LGSN: variants seen among roughly 807,000 people sequenced by gnomAD.
LGSN encodes the protein lengsin, lens protein with glutamine synthetase domain, also known as lengsin.
A neutral mutation model predicts 19.5 loss-of-function variants in LGSN; 21 were observed. The ratio of observed to expected loss-of-function variants is 1.07; its 90% CI spans 0.76 to 1.55. LGSN has a LOEUF of 1.55. LGSN is among the 40% of genes most tolerant of loss of function. The probability of loss-of-function intolerance (pLI) is 0.00; values close to 1 mark genes in which losing one functional copy is unlikely to be tolerated. For synonymous variants in LGSN, 257 were observed against 215.6 expected (o/e 1.19, Z -1.68); for missense variants, 673 against 608.5 (o/e 1.11, Z -1.12).
At chr6:63,363,477 A>G in the LGSN span, among the ~76,000 whole-genome samples, 20 of 152,338 alleles carry the variant, frequency 1.3e-4, no homozygotes, top group African/African-American at 4.3e-4. Flanking sequence ...ATGGCCAACT[A>G]GAATAAACGG....
the LGSN span, among the ~76,000 whole-genome samples, chr6:63,504,869 A>G: frequency 6.6e-6 from 1 of 152,338 alleles, no homozygotes; most frequent in Admixed American, 6.5e-5. Flanking sequence ...CAGAGTAGTG[A>G]AAAGCTCTTA....
chr6:63,467,465 A>G, the LGSN span, among the ~76,000 whole-genome samples: 2 of 152,038 alleles, frequency 1.3e-5, no homozygotes, highest in Non-Finnish European at 2.9e-5. Flanking sequence ...AAACAGATGT[A>G]TTTTCTCACA....
the LGSN span, chr6:63,441,498 G>C: frequency 7.1e-6 from 3 of 424,174 alleles, no homozygotes; most frequent in South Asian, 6.1e-5. Flanking sequence ...ATGCAAACAA[G>C]GCATCACAAC....
At chr6:63,306,056 G>C (rs1196988878) in intron 1 of LGSN, among the ~76,000 whole-genome samples, 4 of 151,048 alleles carry the variant, frequency 2.6e-5, no homozygotes, top group African/African-American at 9.7e-5. Context: ...AACAGAGTGA[G>C]ACTCTGTCTC....
At chr6:63,405,633 G>A in the LGSN span, among the ~76,000 whole-genome samples, 58 of 152,034 alleles carry the variant, frequency 3.8e-4, no homozygotes, top group South Asian at 8.5e-3. Flanking sequence ...CATGTCCTTC[G>A]CCAGCTAACA....
At chr6:63,522,263 C>T in the LGSN span, among the ~76,000 whole-genome samples, 1 of 152,074 alleles carries the variant, frequency 6.6e-6, no homozygotes, top group African/African-American at 2.4e-5. Flanking sequence ...GTTTCTGTTA[C>T]TTATTTGAAT....
chr6:63,547,186 A>C, the LGSN span, among the ~76,000 whole-genome samples: 1 of 147,726 alleles, frequency 6.8e-6, no homozygotes, highest in Admixed American at 6.9e-5. Flanking sequence ...AGTAGGGGGG[A>C]ATTTTTTTTT....
chr6:63,533,875 A>T, the LGSN span, among the ~76,000 whole-genome samples: 1 of 151,896 alleles, frequency 6.6e-6, no homozygotes, highest in East Asian at 1.9e-4. Flanking sequence ...GTAGGGTCTC[A>T]CTCTGTCGTC....
At chr6:63,453,284 T>C in the LGSN span, among the ~76,000 whole-genome samples, 8 of 152,310 alleles carry the variant, frequency 5.3e-5, no homozygotes, top group Non-Finnish European at 1.0e-4. Flanking sequence ...CATGGAGTTT[T>C]CTATAAATAA....
intron 3 of LGSN, 61 bp from the exon 4 acceptor site, chr6:63,281,281 G>A (rs527941505): frequency 1.8e-5 from 20 of 1,138,304 alleles, no homozygotes; most frequent in Admixed American, 6.8e-5. Flanking sequence ...GTCGGGGGGC[G>A]GCGGGAAAGC....
chr6:63,451,785 A>T, the LGSN span, among the ~76,000 whole-genome samples: 3 of 152,000 alleles, frequency 2.0e-5, no homozygotes, highest in Admixed American at 6.6e-5. Context: ...AAAGTAACAT[A>T]AAAAATGCAT....
the LGSN span, among the ~76,000 whole-genome samples, chr6:63,451,650 A>G: frequency 6.6e-6 from 1 of 152,120 alleles, no homozygotes; most frequent in Non-Finnish European, 1.5e-5. Context: ...TAATGGGTAC[A>G]AGGCTTAATA....
chr6:63,383,768 A>C, the LGSN span, among the ~76,000 whole-genome samples: 1 of 152,126 alleles, frequency 6.6e-6, no homozygotes, highest in Non-Finnish European at 1.5e-5. Flanking sequence ...TAATCCTCCA[A>C]ATCTGTGAAA....
the LGSN span, among the ~76,000 whole-genome samples, chr6:63,360,806 G>A: frequency 4.6e-5 from 7 of 152,108 alleles, no homozygotes; most frequent in Admixed American, 3.3e-4. Context: ...TTTGGTCTTC[G>A]ATGATGGTGA....
the LGSN span, among the ~76,000 whole-genome samples, chr6:63,330,774 G>C: frequency 6.6e-6 from 1 of 152,184 alleles, no homozygotes; most frequent in African/African-American, 2.4e-5. Flanking sequence ...TTCTTCAGCT[G>C]TCATTCTGTC....
At chr6:63,526,833 A>T in the LGSN span, among the ~76,000 whole-genome samples, 4,318 of 127,874 alleles carry the variant, frequency 0.034, 82 homozygotes, top group Non-Finnish European at 0.043. Context: ...ATATATATAT[A>T]TATTTATTTA....
the LGSN span, among the ~76,000 whole-genome samples, chr6:63,556,981 G>A: frequency 1.8e-4 from 28 of 152,092 alleles, no homozygotes; most frequent in Non-Finnish European, 3.4e-4. Flanking sequence ...AAACACTAGC[G>A]CAGTCATCCA....
At chr6:63,569,020 A>G in the LGSN span, among the ~76,000 whole-genome samples, 1 of 152,138 alleles carries the variant, frequency 6.6e-6, no homozygotes, top group Non-Finnish European at 1.5e-5. Context: ...TATGGCAATG[A>G]TATTACTCTT....
the LGSN span, chr6:63,441,549 G>A: frequency 2.4e-6 from 1 of 421,444 alleles, no homozygotes; most frequent in Admixed American, 2.8e-5. Context: ...GGGAGAGGCA[G>A]CAGGGTTGGA....
Sources: gnomAD v4.1 joint callset for allele counts (sites outside exome capture counted in the v4.1 genomes callset) on GRCh38, gnomAD v4.1.1 for gene constraint, MANE v1.5 for transcripts, NCBI Gene and HGNC (gene_info 2026-07-23, HGNC 2026-07-21) for gene names.